Variants in AKAP13 observed in about 807,000 individuals in gnomAD.
AKAP13 encodes the protein A-kinase anchoring protein 13, also known as A-kinase anchor protein 13.
In AKAP13, 80 loss-of-function variants were observed where a neutral mutation model predicts 264.5. That is an observed-to-expected ratio of 0.30 (90% CI 0.25 to 0.36). The LOEUF (loss-of-function observed/expected upper bound fraction) is 0.36. Among genes scored for constraint, AKAP13 ranks in the 10% least tolerant of loss-of-function variants. The pLI, the probability that AKAP13 is intolerant of heterozygous loss-of-function variation, is 1.00. For synonymous variants in AKAP13, 1,380 were observed against 1,250.2 expected, an observed-to-expected ratio of 1.10 and a Z score of -2.19; for missense variants, 3,712 against 3,435.2, an observed-to-expected ratio of 1.08 and a Z score of -2.01.
intron 10 of AKAP13, among the ~76,000 whole-genome samples, chr15:85,648,882 C>G (rs1212557303): frequency 6.6e-6 from 1 of 152,072 alleles, no homozygotes; most frequent in Non-Finnish European, 1.5e-5. Flanking sequence ...TACTAGACTG[C>G]TTAGGGAAAA....
chr15:85,453,020 G>A (rs1359879648), intron 1 of AKAP13, among the ~76,000 whole-genome samples: 1 of 152,184 alleles, frequency 6.6e-6, no homozygotes, highest in East Asian at 1.9e-4. Flanking sequence ...TCAGTGCTGC[G>A]GGCCCAAGCC....
intron 16 of AKAP13, among the ~76,000 whole-genome samples, chr15:85,688,656 C>T (rs1435898248): frequency 6.6e-6 from 1 of 152,124 alleles, no homozygotes; most frequent in Non-Finnish European, 1.5e-5. Flanking sequence ...AGCCAGTAGG[C>T]AGTAAACTGT....
In AKAP13 at chr15:85,461,497, A is replaced by G. The variant is rs181929910; in HGVS notation, c.-11-24213A>G. ...CCTGAAAAGTTTGAATGTGTGAATT[A>G]ACTAATATAGTGTTATTTGTATCCT... On this transcript the variant is annotated intron_variant, in intron 1 of 36. Transcript: ENST00000394518. Among the ~76,000 whole-genome samples, 3 of 152,332 alleles carry G rather than the reference A, an allele frequency of 2.0e-5. No individual in the cohort carries two copies. In the East Asian group the frequency reaches 5.8e-4, roughly 29 times the overall value.
intron 8 of AKAP13, among the ~76,000 whole-genome samples, chr15:85,606,345 G>A (rs369923758): frequency 1.3e-5 from 2 of 151,840 alleles, no homozygotes; most frequent in South Asian, 2.1e-4. Context: ...CAGGTGGTCC[G>A]CCCACCTCAG....
rs201479859 is a variant in AKAP13 at position 85,733,297 on chromosome 15, ATTTT to A, written c.7283-1689_7283-1686del. ...TAATTACTCTCAAGTATGTTGTTTT[ATTTT>A]TTTTTCTGGCATAAAGTATTGCCAT... On this transcript the variant is annotated intron_variant, in intron 30 of 36. Coordinates refer to ENST00000394518, the MANE Select transcript of AKAP13 (RefSeq NM_007200.5). 9.3e-5 allele frequency among the ~76,000 whole-genome samples: 14 copies of A among 151,250 alleles called. No homozygotes were observed. In the East Asian group the frequency reaches 2.7e-3, roughly 29 times the overall value.
chr15:85,743,407 A>G (rs1286562862), intron 35 of AKAP13, 85 bp from the exon 36 acceptor site: 1 of 1,432,306 alleles, frequency 7.0e-7, no homozygotes, highest in Non-Finnish European at 9.6e-7. Flanking sequence ...CAGCACACCC[A>G]GTTGAATTCA....
intron 1 of AKAP13, among the ~76,000 whole-genome samples, chr15:85,468,871 T>C (rs1239514423): frequency 6.6e-6 from 1 of 151,612 alleles, no homozygotes; most frequent in Non-Finnish European, 1.5e-5. Flanking sequence ...GAGAGCTCCT[T>C]GAGGGCTGTG....
chr15:85,461,877 C>G (rs72754517), intron 1 of AKAP13, among the ~76,000 whole-genome samples: 2,233 of 152,170 alleles, frequency 0.015, 18 homozygotes, highest in Middle Eastern at 0.027. Context: ...TACTTCCTTT[C>G]CCATAGAGAA....
chr15:85,655,317 C>T, intron 10 of AKAP13, 100 bp from the exon 11 acceptor site: 1 of 1,443,892 alleles, frequency 6.9e-7, no homozygotes, highest in South Asian at 1.4e-5. Context: ...ATCTTACCTG[C>T]CTGGAATCCA....
chr15:85,741,969 G>C lies in AKAP13; in HGVS notation c.8058+474G>C, dbSNP rs527964417. ...CTGAGGCATGAGAATCGCTTGAACC[G>C]GGGAGGTGGGGATTGCAGCGAGCCG... On this transcript the variant is annotated intron_variant, in intron 35 of 36. Transcript: ENST00000394518. Among the ~76,000 whole-genome samples the C allele has an allele frequency of 7.8e-4, 118 of 152,118 alleles. 1 individual carries two copies. Among genetic ancestry groups the C allele is most frequent in the Middle Eastern group, 6.8e-3 (2 of 294 alleles).
chr15:85,728,854 A>T (rs564717975), intron 29 of AKAP13, among the ~76,000 whole-genome samples: 85 of 149,876 alleles, frequency 5.7e-4, no homozygotes, highest in East Asian at 1.8e-3. Context: ...AAAAAAAAAA[A>T]TTTTTTTTTT....
At chr15:85,616,276 A>G (rs1266966287) in intron 8 of AKAP13, among the ~76,000 whole-genome samples, 1 of 152,260 alleles carries the variant, frequency 6.6e-6, no homozygotes, top group Non-Finnish European at 1.5e-5. Context: ...AAGCAGCCAC[A>G]GTGTTGACCC....
intron 8 of AKAP13, among the ~76,000 whole-genome samples, chr15:85,637,889 T>G (rs1276611860): frequency 1.3e-5 from 2 of 150,250 alleles, no homozygotes; most frequent in Non-Finnish European, 3.0e-5. Context: ...TAGAAGTTTT[T>G]TTTTTTTTTT....
intron 1 of AKAP13, among the ~76,000 whole-genome samples, chr15:85,456,859 C>T (rs75803251): frequency 1.2e-3 from 177 of 152,274 alleles, no homozygotes; most frequent in East Asian, 5.2e-3. Flanking sequence ...TATTACTATA[C>T]GTTCTTGTTG....
chr15:85,434,268 TAAAA>T (rs892242128), intron 1 of AKAP13, among the ~76,000 whole-genome samples: 10 of 152,138 alleles, frequency 6.6e-5, no homozygotes, highest in African/African-American at 1.9e-4. Context: ...CAGACCGGCT[TAAAA>T]AACGGCGAAC....
intron 5 of AKAP13, among the ~76,000 whole-genome samples, chr15:85,561,349 T>C (rs1376300884): frequency 6.6e-6 from 1 of 152,182 alleles, no homozygotes; most frequent in African/African-American, 2.4e-5. Flanking sequence ...TGAGCCACCA[T>C]GCCCAGCCTC....
At chr15:85,599,505 C>G (rs984892197) in intron 8 of AKAP13, among the ~76,000 whole-genome samples, 2 of 152,116 alleles carry the variant, frequency 1.3e-5, no homozygotes, top group Non-Finnish European at 2.9e-5. Context: ...TCCTGGGTGT[C>G]AGAGTTACCG....
chr15:85,461,407 C>A (rs558899425), intron 1 of AKAP13, among the ~76,000 whole-genome samples: 11 of 152,156 alleles, frequency 7.2e-5, no homozygotes, highest in African/African-American at 2.2e-4. Flanking sequence ...TGAGCCACTG[C>A]GCCCGGCCCG....
At chr15:85,562,305 C>T (rs1046487029) in intron 5 of AKAP13, among the ~76,000 whole-genome samples, 14 of 152,040 alleles carry the variant, frequency 9.2e-5, no homozygotes, top group African/African-American at 3.1e-4. Context: ...TGGCTCACAC[C>T]TGTAATCCCA....
Sources: allele counts gnomAD v4.1 joint callset (sites outside exome capture counted in the v4.1 genomes callset), GRCh38; gene constraint gnomAD v4.1.1; transcripts MANE v1.5; gene names NCBI Gene and HGNC (gene_info 2026-07-23, HGNC 2026-07-21).